PRR14L: variants seen among roughly 807,000 people sequenced by gnomAD.
PRR14L encodes proline rich 14 like.
A neutral mutation model predicts 155.0 loss-of-function variants in PRR14L; 80 were observed. That is an observed-to-expected ratio of 0.52 (90% CI 0.43 to 0.62). PRR14L has a LOEUF of 0.62. PRR14L is among the 20% of genes least tolerant of loss of function. The pLI is 0.00. For missense variants in PRR14L, 2,469 were observed against 2,548.0 expected (o/e 0.97, Z 0.67); for synonymous variants, 883 against 916.0 (o/e 0.96, Z 0.65).
At position 31,716,941 on chromosome 22, in the gene PRR14L, A is replaced by C; in HGVS notation, c.898T>G (p.Cys300Gly). Reference protein sequence around the residue: ...SNVDNGKEELCKPNLVCEADD... With the variant: ...SNVDNGKEELGKPNLVCEADD... ...GCTTCACAGACCAGGTTTGGTTTACACAACTCTTCCTTCCCATTGTCCACA... is the reference window on the plus strand; with the variant it reads ...GCTTCACAGACCAGGTTTGGTTTACCCAACTCTTCCTTCCCATTGTCCACA... The change falls in exon 4 of 9, where the codon TGT becomes GGT. Residue 300 changes from cysteine (C) to glycine (G), a missense_variant. Around this residue, in one of 2 missense-constraint regions of PRR14L, gnomAD observed 2,363 missense variants for 2,371.6 expected, o/e 1.00. Transcript: ENST00000327423. 1 of 1,552,016 alleles carries C rather than the reference A, an allele frequency of 6.4e-7. No homozygotes were observed. Among genetic ancestry groups the C allele is most frequent in the Non-Finnish European group, 8.7e-7 (1 of 1,147,066 alleles).
chr22:31,691,666 T>C (rs1017020007), intron 7 of PRR14L, among the ~76,000 whole-genome samples: 15 of 152,230 alleles, frequency 9.9e-5, no homozygotes, highest in Non-Finnish European at 1.3e-4. Context: ...ATATAGAATG[T>C]GCTGTTTTCA....
At chr22:31,694,891 T>C (rs1315087584) in intron 7 of PRR14L, among the ~76,000 whole-genome samples, 1 of 152,036 alleles carries the variant, frequency 6.6e-6, no homozygotes, top group Non-Finnish European at 1.5e-5. Context: ...AAAACCATCC[T>C]GGCCAAAATG....
In PRR14L at chr22:31,716,463, A is replaced by G. The variant is rs1414503134; in HGVS notation, c.1376T>C (p.Leu459Ser). Residue 459 changes from leucine (L) to serine (S), a missense_variant, in exon 4 of 9, where the codon TTA (leucine) becomes TCA (serine). Transcript: ENST00000327423. The part of the protein sequence containing the change: ...DSLHTGNSSS[L>S]MPNSFTEATE... ...GGCTTCAGTAAAAGAATTGGGCATTAAAGAACTAGAGTTCCCTGTATGGAG... is the reference window on the plus strand; with the variant it reads ...GGCTTCAGTAAAAGAATTGGGCATTGAAGAACTAGAGTTCCCTGTATGGAG... The G allele has an allele frequency of 6.4e-7, 1 of 1,550,936 alleles. No individual in the cohort carries two copies. The highest frequency in any genetic ancestry group is 8.7e-7 in the Non-Finnish European group (1 of 1,146,538).
chr22:31,696,886 G>A (rs1355491130), intron 7 of PRR14L, among the ~76,000 whole-genome samples: 2 of 152,182 alleles, frequency 1.3e-5, no homozygotes, highest in South Asian at 2.1e-4. Context: ...AGGCCAAGGC[G>A]GGCAGATCAC....
chr22:31,711,278 G>T (rs1873492118), intron 4 of PRR14L, among the ~76,000 whole-genome samples: 1 of 152,060 alleles, frequency 6.6e-6, no homozygotes, highest in Admixed American at 6.6e-5. Flanking sequence ...TTCAAGACCA[G>T]CCTGGCCAAC....
intron 7 of PRR14L, among the ~76,000 whole-genome samples, chr22:31,689,211 T>A (rs1407232818): frequency 6.6e-6 from 1 of 152,184 alleles, no homozygotes; most frequent in Admixed American, 6.5e-5. Flanking sequence ...GAGCCAGGCA[T>A]GGGGGCTCCC....
At chr22:31,745,927 A>G (rs556640303) in intron 1 of PRR14L, among the ~76,000 whole-genome samples, 1 of 150,920 alleles carries the variant, frequency 6.6e-6, no homozygotes, top group Non-Finnish European at 1.5e-5. Flanking sequence ...CCAATGACTT[A>G]TCTGTATGTT....
chr22:31,712,978 T>G lies in PRR14L; in HGVS notation c.4861A>C (p.Ile1621Leu). The G allele has an allele frequency of 6.4e-7, 1 of 1,551,804 alleles. No homozygotes were observed. The highest frequency in any genetic ancestry group is 2.4e-5 in the East Asian group (1 of 40,908). ...KESALLNKLS[I>L]LASKLAPAMK... ...GCTGGGGCCAGTTTGGAGGCAAGGATGGACAGCTTGTTTAGTAAGGCTGAT... is the reference window on the plus strand; with the variant it reads ...GCTGGGGCCAGTTTGGAGGCAAGGAGGGACAGCTTGTTTAGTAAGGCTGAT... The change falls in exon 4 of 9, where the codon ATC becomes CTC. Residue 1621 changes from isoleucine to leucine, a missense_variant. This residue lies in a region of PRR14L where 2,363 missense variants were observed against 2,371.6 expected (regional missense o/e 1.00). Coordinates refer to ENST00000327423, the MANE Select transcript of PRR14L (RefSeq NM_173566.3).
At position 31,685,424 on chromosome 22, in the gene PRR14L, A is replaced by G. The variant is rs1469172282; in HGVS notation, c.*103T>C. The stretch of plus-strand genomic sequence containing the variant: ...TTGAGTGGTTTGGCGGTAGGGCAAA[A>G]TTAGGCAACCTTTTCCAAGGAGGTC... On this transcript the variant is annotated 3_prime_UTR_variant, in exon 9 of 9. Coordinates refer to ENST00000327423, the MANE Select transcript of PRR14L (RefSeq NM_173566.3). The G allele has an allele frequency of 9.2e-7, 1 of 1,081,788 alleles. No homozygotes were observed. Among genetic ancestry groups the G allele is most frequent in the Non-Finnish European group, 1.3e-6 (1 of 774,190 alleles). The allele number at this position is 1,081,788 out of a possible 1,614,324, so 67.0% of individuals were successfully genotyped here. A position where few individuals can be genotyped will look rare whatever the true frequency, so the allele number is the denominator to read the frequency against.
chr22:31,725,488 C>T, intron 3 of PRR14L, 50 bp downstream of exon 3: 1 of 1,218,454 alleles, frequency 8.2e-7, no homozygotes, highest in Non-Finnish European at 1.2e-6. Context: ...GGAACTAAAA[C>T]AGTATTTGCA....
intron 1 of PRR14L, among the ~76,000 whole-genome samples, chr22:31,748,905 G>A (rs1177640403): frequency 1.3e-5 from 2 of 152,162 alleles, no homozygotes; most frequent in Non-Finnish European, 2.9e-5. Context: ...GGATCTAAGG[G>A]GACTGGAAGT....
intron 4 of PRR14L, among the ~76,000 whole-genome samples, chr22:31,711,776 CAAAA>C (rs757790329): frequency 2.1e-5 from 1 of 48,732 alleles, no homozygotes; most frequent in Non-Finnish European, 3.9e-5. Flanking sequence ...AAGAGTTAAT[CAAAA>C]AAAAAAAAAA....
chr22:31,715,563 C>A lies in PRR14L; in HGVS notation c.2276G>T (p.Arg759Leu). 1 of 1,552,012 alleles carries A rather than the reference C, an allele frequency of 6.4e-7. No homozygotes were observed. The highest frequency in any genetic ancestry group is 1.2e-5 in the South Asian group (1 of 84,062). Reference sequence around the variant, plus strand: ...GCCAGCTGCTTCTCTCTTATTTGAGCGCAGCCTGGAATGTAGAGCTTTTGT... The same window carrying A: ...GCCAGCTGCTTCTCTCTTATTTGAGAGCAGCCTGGAATGTAGAGCTTTTGT... Reference protein sequence around the residue: ...SGTKALHSRLRSNKREAAGFP... With the variant: ...SGTKALHSRLLSNKREAAGFP... Residue 759 changes from arginine (R) to leucine (L), a missense_variant, in exon 4 of 9, where the codon CGC (arginine) becomes CTC (leucine). Arg to Leu is a moderately radical substitution (Grantham distance 102). Transcript: ENST00000327423.
chr22:31,743,486 C>A (rs5753773), intron 1 of PRR14L, among the ~76,000 whole-genome samples: 13 of 152,050 alleles, frequency 8.5e-5, no homozygotes, highest in Non-Finnish European at 1.9e-4. Context: ...TGAATTAAAT[C>A]TTAAAAAAAT....
At chr22:31,689,259 G>A (rs377630376) in intron 7 of PRR14L, among the ~76,000 whole-genome samples, 13 of 152,274 alleles carry the variant, frequency 8.5e-5, no homozygotes, top group African/African-American at 2.9e-4. Flanking sequence ...TGAGGCAAGA[G>A]AATTGTTGAG....
intron 3 of PRR14L, among the ~76,000 whole-genome samples, chr22:31,721,484 C>T (rs771294647): frequency 2.6e-5 from 4 of 151,154 alleles, no homozygotes; most frequent in Non-Finnish European, 4.4e-5. Context: ...AGGAGAATGG[C>T]GTGAACCCGG....
intron 2 of PRR14L, among the ~76,000 whole-genome samples, chr22:31,726,187 T>C (rs1046527895): frequency 2.0e-5 from 3 of 151,720 alleles, no homozygotes; most frequent in African/African-American, 7.3e-5. Context: ...GAGCCAAGAC[T>C]GTGCGCGCTG....
Position 31,713,039 on chromosome 22 carries a change from G to T in PRR14L, c.4800C>A (p.Pro1600=). ...IPKQMSTPCH[P]LRSLNFRKTT... The stretch of plus-strand genomic sequence containing the variant: ...TCTTCCTAAAATTCAGGCTCCTCAA[G>T]GGATGGCACGGTGTAGACATCTGCT... Residue 1600 remains proline (P), a synonymous_variant, in exon 4 of 9, where the codon CCC becomes CCA. Coordinates refer to ENST00000327423, the MANE Select transcript of PRR14L (RefSeq NM_173566.3). 2 of 1,552,312 alleles carry T rather than the reference G, an allele frequency of 1.3e-6. No individual in the cohort carries two copies. The highest frequency in any genetic ancestry group is 1.7e-6 in the Non-Finnish European group (2 of 1,147,124).
At position 31,688,260 on chromosome 22, in the gene PRR14L, TTCTCTC is replaced by T. The variant is rs367966573; in HGVS notation, c.6108-39_6108-34del. On this transcript the variant is annotated intron_variant, in intron 7 of 8. Coordinates refer to ENST00000327423, the MANE Select transcript of PRR14L (RefSeq NM_173566.3). ...GAAATAAGGAAAAAAATTCTTCAGG[TTCTCTC>T]TCTCTTTTTTTTTTCAGAGAAGGTC... The T allele has an allele frequency of 5.8e-6, 9 of 1,540,716 alleles. No individual in the cohort carries two copies. In the African/African-American group the frequency reaches 1.1e-4, roughly 19 times the overall value.
Sources: gnomAD v4.1 joint callset for allele counts (sites outside exome capture counted in the v4.1 genomes callset) on GRCh38, gnomAD v4.1.1 for gene constraint, gnomAD v4.1.1 regional missense constraint, MANE v1.5 for transcripts, NCBI Gene and HGNC (gene_info 2026-07-23, HGNC 2026-07-21) for gene names.